Variants in PLEC observed in about 807,000 individuals in gnomAD.
PLEC encodes plectin.
A neutral mutation model predicts 392.8 loss-of-function variants in PLEC; 216 were observed. That is an observed-to-expected ratio of 0.55 (90% CI 0.49 to 0.62). The LOEUF is 0.62. Ranked by LOEUF, PLEC falls within the 20% of genes least tolerant of loss-of-function variation. The pLI, the probability that PLEC is intolerant of heterozygous loss-of-function variation, is 0.00. For missense variants in PLEC, 6,863 were observed against 6,563.4 expected, an observed-to-expected ratio of 1.05 and a Z score of -1.58; for synonymous variants, 3,621 against 2,980.6, an observed-to-expected ratio of 1.21 and a Z score of -7.00.
At position 143,927,970 on chromosome 8, in the gene PLEC, T is replaced by C. The variant is rs367688172; in HGVS notation, c.3283A>G (p.Ile1095Val). 1.2e-5 allele frequency: 19 copies of C among 1,600,914 alleles called. No homozygotes were observed. The African/African-American group carries it at 1.7e-4, about 15-fold the overall frequency. The change falls in exon 26 of 32, where the codon ATC becomes GTC. Residue 1095 changes from isoleucine (I) to valine (V), a missense_variant. Transcript: ENST00000345136. ...LEKLKTISLVIRGTQGAEEVL... is the reference protein window; with the variant it reads ...LEKLKTISLVVRGTQGAEEVL... ...TCCTCGGCCCCCTGCGTGCCGCGGA[T>C]CACCAGGCTGATGGTCTTGAGCCTG...
chr8:143,920,207 G>A lies in PLEC; in HGVS notation c.9614C>T (p.Thr3205Ile). The change falls in exon 32 of 32, where the codon ACC becomes ATC. Residue 3205 changes from threonine (T) to isoleucine (I), a missense_variant. Coordinates refer to ENST00000345136, the MANE Select transcript of PLEC (RefSeq NM_201384.3). The part of the protein sequence containing the change: ...LQQRCRPDQL[T>I]GLSLLPLSEK... ...TGAGAGCGGCAGCAGGCTCAGCCCG[G>A]TCAGCTGGTCGGGCCGGCACCGCTG... 6.2e-7 allele frequency: 1 copy of A among 1,608,776 alleles called. No individual in the cohort carries two copies. Among genetic ancestry groups the A allele is most frequent in the Non-Finnish European group, 8.5e-7 (1 of 1,179,528 alleles).
In PLEC at chr8:143,927,106, C is replaced by T. The variant is rs1564078122; in HGVS notation, c.3841-25G>A. 4 of 1,593,082 alleles carry T rather than the reference C, an allele frequency of 2.5e-6. No individual in the cohort carries two copies. In the South Asian group the frequency reaches 4.4e-5, roughly 18 times the overall value. On this transcript the variant is annotated intron_variant, in intron 28 of 31. Coordinates refer to ENST00000345136, the MANE Select transcript of PLEC (RefSeq NM_201384.3). ...CCTGTGGCAATGCACTGCGGTCAGC[C>T]ACCAGCTCTGCCCTCCGATGGCCCC... is the stretch of plus-strand genomic sequence containing the variant.
At chr8:143,928,664 C>T (rs7005608) in intron 25 of PLEC, among the ~76,000 whole-genome samples, 43,418 of 121,354 alleles carry the variant, frequency 0.36, 5,055 homozygotes, top group African/African-American at 0.51. Context: ...GAGGAGTAGA[C>T]AGCGGGTGGA....
chr8:143,938,219 G>T lies in PLEC; in HGVS notation c.196C>A (p.Leu66Met). 6.2e-7 allele frequency: 1 copy of T among 1,606,038 alleles called. No homozygotes were observed. Among genetic ancestry groups the T allele is most frequent in the Non-Finnish European group, 8.5e-7 (1 of 1,177,564 alleles). ...LIKAQRHISD[L>M]YEDLRDGHNL... ...TGGCCATCGCGGAGGTCTTCATACA[G>T]GTCACTGATGTGCCTCTGGGCCTGT... Residue 66 changes from leucine to methionine, a missense_variant, in exon 3 of 32, where the codon CTG becomes ATG. Coordinates refer to ENST00000345136, the MANE Select transcript of PLEC (RefSeq NM_201384.3).
rs1218160140 is a variant in PLEC at position 143,958,964 on chromosome 8, A to G, written c.70+14439T>C. Among the ~76,000 whole-genome samples, 6 of 152,240 alleles carry G rather than the reference A, an allele frequency of 3.9e-5. No individual in the cohort carries two copies. The highest frequency in any genetic ancestry group is 4.4e-5 in the Non-Finnish European group (3 of 68,042). Reference sequence around the variant, plus strand: ...TGACTTCACTAGCAGATTAAAGGAGAAAACCGGTATATTGATCTAGAAAAT... The same window carrying G: ...TGACTTCACTAGCAGATTAAAGGAGGAAACCGGTATATTGATCTAGAAAAT... On this transcript the variant is annotated intron_variant, in intron 1 of 31. Coordinates refer to the PLEC transcript ENST00000356346. This position sits in a 1 kb window ranked among gnomAD's most constrained non-coding sequence, Gnocchi z 4.9.
upstream of PLEC, chr8:143,944,498 C>A: frequency 4.2e-6 from 2 of 475,056 alleles, no homozygotes; most frequent in Non-Finnish European, 7.4e-6. Flanking sequence ...CAGACCAGGG[C>A]TGAGGGGGTC....
In PLEC at chr8:143,917,914, C is replaced by A; in HGVS notation, c.11907G>T (p.Ala3969=). The change falls in exon 32 of 32, where the codon GCG becomes GCT. Residue 3969 remains alanine (A), a synonymous_variant. Transcript: ENST00000345136. ...CGATGACGTAACCGGTGGCCGCCTGCGCCTCCAGGAGCTCAAAGGCTGTGC... is the reference window on the plus strand; with the variant it reads ...CGATGACGTAACCGGTGGCCGCCTGAGCCTCCAGGAGCTCAAAGGCTGTGC... ...RPGTAFELLE[A]QAATGYVIDP... is the part of the protein sequence containing the mutation. 1 of 1,613,018 alleles carries A rather than the reference C, an allele frequency of 6.2e-7. No individual in the cohort carries two copies. The highest frequency in any genetic ancestry group is 8.5e-7 in the Non-Finnish European group (1 of 1,179,962).
chr8:143,964,748 G>A (rs1414815602), intron 1 of PLEC, among the ~76,000 whole-genome samples: 1 of 152,122 alleles, frequency 6.6e-6, no homozygotes, highest in African/African-American at 2.4e-5. Context: ...CATGACAGTG[G>A]CGTCCAGCTG....
At chr8:143,934,236 G>T in intron 11 of PLEC, 82 bp downstream of exon 11, 1 of 1,600,296 alleles carries the variant, frequency 6.2e-7, no homozygotes, top group Non-Finnish European at 8.5e-7. Context: ...CCCCGCCGGG[G>T]GCGGGGCGGG....
chr8:143,933,494 GC>G, intron 12 of PLEC, 143 bp from the exon 13 acceptor site: 2 of 980,190 alleles, frequency 2.0e-6, no homozygotes, highest in Non-Finnish European at 3.2e-6. Flanking sequence ...TTCCCTCCCT[GC>G]CCACCTCACA....
upstream of PLEC, chr8:143,975,364 C>T (rs782622551): frequency 2.0e-5 from 32 of 1,608,176 alleles, no homozygotes; most frequent in East Asian, 5.3e-4. This position sits in a 1 kb window ranked among gnomAD's most constrained non-coding sequence, Gnocchi z 9.9. Context: ...CGTCCTCACC[C>T]GACATGGCCT....
rs372843420 is a variant in PLEC, at chr8:143,922,255, G to A, written c.7566C>T (p.Asp2522=). ...GCAGCTGCTGTGCCTTGGCCACCTC[G>A]TCCTGGAAGAGCTGCTCCAGCTTGG... The part of the protein sequence containing the change: ...EKAKLEQLFQ[D]EVAKAQQLRE... The change falls in exon 32 of 32, where the codon GAC becomes GAT. Residue 2522 remains aspartate, a synonymous_variant. Coordinates refer to ENST00000345136, the MANE Select transcript of PLEC (RefSeq NM_201384.3). 199 of 1,597,556 alleles carry A rather than the reference G, an allele frequency of 1.2e-4. 4 individuals carry two copies. The South Asian group carries it at 1.7e-3, about 13-fold the overall frequency.
Position 143,965,096 on chromosome 8 carries a change from C to A in PLEC, c.70+8307G>T, listed in dbSNP as rs868968433. On this transcript the variant is annotated intron_variant, in intron 1 of 31. Transcript: ENST00000356346. ...CCTGACACACCAGCCTGCCCAAGAG[C>A]ACCCAGACTCACACCAGCCACCCTG... is the stretch of plus-strand genomic sequence containing the variant. Among the ~76,000 whole-genome samples the A allele has an allele frequency of 2.0e-5, 3 of 151,642 alleles. No individual in the cohort carries two copies. In the Middle Eastern group the frequency reaches 0.01, roughly 523 times the overall value.
In PLEC at chr8:143,918,600, G is replaced by A. The variant is rs782510033; in HGVS notation, c.11221C>T (p.Arg3741Trp). The stretch of plus-strand genomic sequence containing the variant: ...CGCACAGCCTCATCCACAGTCAGCC[G>A]CTCCCCCTTCACCGGGTCCAGCAGG... Reference protein sequence around the residue: ...GFLLDPVKGERLTVDEAVRKG... With the variant: ...GFLLDPVKGEWLTVDEAVRKG... Residue 3741 changes from arginine (R) to tryptophan (W), a missense_variant, in exon 32 of 32, where the codon CGG (arginine) becomes TGG (tryptophan). Transcript: ENST00000345136. 1.7e-5 allele frequency: 28 copies of A among 1,612,366 alleles called. No homozygotes were observed. Among genetic ancestry groups the A allele is most frequent in the Admixed American group, 1.0e-4 (6 of 59,998 alleles).
intron 5 of PLEC, among the ~76,000 whole-genome samples, chr8:143,936,444 G>A (rs1210109649): frequency 1.3e-5 from 2 of 152,238 alleles, no homozygotes; most frequent in Admixed American, 6.5e-5. Flanking sequence ...AAGGCTGGGG[G>A]TCGAGCTCCA....
At chr8:143,932,088 A>ACGGCCCCCCCCGCAGCCCCGCCC (rs1554716267) in intron 17 of PLEC, 42 bp downstream of exon 17, 1 of 1,567,248 alleles carries the variant, frequency 6.4e-7, no homozygotes, top group Non-Finnish European at 8.6e-7. Flanking sequence ...GGGACCCGGC[A>ACGGCCCCCCCCGCAGCCCCGCCC]CGGCCCCCCC....
At position 143,969,903 on chromosome 8, in the gene PLEC, G is replaced by A. The variant is rs180679480; in HGVS notation, c.70+3500C>T. ...GGCGTTGGTGTGGGGCAGGGGCCAG[G>A]GGTGGGAGGCCTGCATTGGTCTGGG... On this transcript the variant is annotated intron_variant, in intron 1 of 31. Transcript: ENST00000356346. The surrounding 1 kb of genome is among the most constrained non-coding windows in gnomAD (Gnocchi z 5.1). Among the ~76,000 whole-genome samples the A allele has an allele frequency of 1.4e-3, 214 of 152,154 alleles. No individual in the cohort carries two copies. The highest frequency in any genetic ancestry group is 5.0e-3 in the African/African-American group (207 of 41,500).
chr8:143,934,469 GC>G, intron 10 of PLEC, 24 bp from the exon 11 acceptor site: 1 of 1,609,578 alleles, frequency 6.2e-7, no homozygotes, highest in South Asian at 1.1e-5. Context: ...CCACACTCAG[GC>G]CCTATAGGCA....
At chr8:143,950,555 G>A in exon 1 of PLEC, 3 of 1,608,426 alleles carry the variant, frequency 1.9e-6, no homozygotes, top group Non-Finnish European at 1.7e-6. Context: ...GGACGCCATG[G>A]CACGCATGAC....
Sources: gnomAD v4.1 joint callset for allele counts (sites outside exome capture counted in the v4.1 genomes callset) on GRCh38, gnomAD v4.1.1 for gene constraint, Gnocchi (gnomAD v3.1) non-coding constraint, MANE v1.5 for transcripts, NCBI Gene and HGNC (gene_info 2026-07-23, HGNC 2026-07-21) for gene names.